The following IQCJ variants were observed in gnomAD, a reference collection of about 807,000 sequenced individuals.
The protein encoded by IQCJ is IQ domain-containing protein J.
In IQCJ, 9 loss-of-function variants were observed where a neutral mutation model predicts 11.0. The ratio of observed to expected loss-of-function variants is 0.82; its 90% CI spans 0.49 to 1.43. IQCJ has a LOEUF of 1.43. Among genes scored for constraint, IQCJ ranks in the 40% most tolerant of loss-of-function variants. IQCJ has a pLI of 0.00. For missense variants in IQCJ, 146 were observed against 133.2 expected, an observed-to-expected ratio of 1.10 and a Z score of -0.47; for synonymous variants, 55 against 51.3, an observed-to-expected ratio of 1.07 and a Z score of -0.31.
chr3:159,169,798 A>C (rs1484138161), intron 1 of IQCJ, among the ~76,000 whole-genome samples: 1 of 152,174 alleles, frequency 6.6e-6, no homozygotes, highest in African/African-American at 2.4e-5. Context: ...GCAGCACTGC[A>C]AGAGGGTGGG....
At chr3:159,160,939 C>T (rs1446164222) in intron 1 of IQCJ, among the ~76,000 whole-genome samples, 1 of 152,148 alleles carries the variant, frequency 6.6e-6, no homozygotes, top group Non-Finnish European at 1.5e-5. Flanking sequence ...CATGGTTGGA[C>T]ATTTGGGTTG....
chr3:159,090,848 G>C (rs2108080349), intron 1 of IQCJ, among the ~76,000 whole-genome samples: 1 of 151,958 alleles, frequency 6.6e-6, no homozygotes, highest in East Asian at 1.9e-4. Context: ...CGACAAAATT[G>C]TTCAGTTGTC....
rs145703272 is a variant in IQCJ, at chr3:159,166,684, G to C, written c.10-79159G>C. Among the ~76,000 whole-genome samples the C allele has an allele frequency of 5.8e-4, 88 of 152,298 alleles. 1 individual carries two copies. The South Asian group carries it at 0.01, about 18-fold the overall frequency. On this transcript the variant is annotated intron_variant, in intron 1 of 3. Coordinates refer to ENST00000397832, the MANE Select transcript of IQCJ (RefSeq NM_001042706.3). ...AAATATATTTATCAGATTTTCTTCT[G>C]TGTGGAGGCTGGAGGATGGTTTCCT...
chr3:159,132,073 T>G (rs1395991865), intron 1 of IQCJ, among the ~76,000 whole-genome samples: 1 of 152,192 alleles, frequency 6.6e-6, no homozygotes, highest in Non-Finnish European at 1.5e-5. Context: ...GTTTGGAAAC[T>G]ATCTGTATTT....
chr3:159,169,862 G>C (rs1415585807), intron 1 of IQCJ, among the ~76,000 whole-genome samples: 1 of 152,084 alleles, frequency 6.6e-6, no homozygotes, highest in Non-Finnish European at 1.5e-5. Flanking sequence ...GTGGTTTATA[G>C]GGGTGAAGTT....
intron 1 of IQCJ, among the ~76,000 whole-genome samples, chr3:159,212,319 A>G (rs978960426): frequency 4.6e-5 from 7 of 152,138 alleles, no homozygotes; most frequent in African/African-American, 1.4e-4. Flanking sequence ...GCGTGGTCCT[A>G]TGCCAGTCAA....
intron 1 of IQCJ, among the ~76,000 whole-genome samples, chr3:159,075,205 A>G (rs1381675190): frequency 6.6e-6 from 1 of 152,176 alleles, no homozygotes; most frequent in Non-Finnish European, 1.5e-5. Context: ...AGAAGCTCAA[A>G]GCAAGTATTT....
chr3:159,191,684 A>G (rs1411913060), intron 1 of IQCJ, among the ~76,000 whole-genome samples: 1 of 152,230 alleles, frequency 6.6e-6, no homozygotes, highest in South Asian at 2.1e-4. Flanking sequence ...CTGAGGAGCT[A>G]CAAAGTACTT....
intron 1 of IQCJ, among the ~76,000 whole-genome samples, chr3:159,082,214 T>C (rs952051243): frequency 3.3e-5 from 5 of 152,100 alleles, no homozygotes; most frequent in Non-Finnish European, 7.4e-5. Flanking sequence ...AATAAACTAT[T>C]ACATAAGATA....
At chr3:159,188,732 TCTTA>T (rs1224729376) in intron 1 of IQCJ, among the ~76,000 whole-genome samples, 1 of 152,198 alleles carries the variant, frequency 6.6e-6, no homozygotes, top group Non-Finnish European at 1.5e-5. Flanking sequence ...GTGGCAGTTC[TCTTA>T]CTTGCCTTGG....
At chr3:159,243,863 A>G (rs1727084358) in intron 1 of IQCJ, among the ~76,000 whole-genome samples, 1 of 152,228 alleles carries the variant, frequency 6.6e-6, no homozygotes, top group Admixed American at 6.5e-5. Context: ...TAATTAGAAG[A>G]TTACCATGGT....
intron 1 of IQCJ, among the ~76,000 whole-genome samples, chr3:159,084,076 A>C (rs1167419622): frequency 6.6e-6 from 1 of 152,128 alleles, no homozygotes; most frequent in Non-Finnish European, 1.5e-5. Context: ...AAAACTGGTG[A>C]AACTTGATTA....
At chr3:159,104,338 A>G (rs1158040598) in intron 1 of IQCJ, among the ~76,000 whole-genome samples, 1 of 152,152 alleles carries the variant, frequency 6.6e-6, no homozygotes. Context: ...TTAGCTCCTA[A>G]TGATAACACT....
chr3:159,249,598 A>G (rs1351689139), intron 2 of IQCJ, among the ~76,000 whole-genome samples: 6 of 152,168 alleles, frequency 3.9e-5, no homozygotes, highest in African/African-American at 7.2e-5. Context: ...TCAGGTCAGG[A>G]CTACGTCCTT....
intron 3 of IQCJ, among the ~76,000 whole-genome samples, chr3:159,256,687 C>G (rs1274902777): frequency 6.6e-6 from 1 of 152,200 alleles, no homozygotes; most frequent in East Asian, 1.9e-4. Flanking sequence ...AAATTCAAGA[C>G]TAGACATTTA....
At chr3:159,265,280 C>G (rs1323059297), downstream of IQCJ, 9 of 1,613,734 alleles carry the variant, frequency 5.6e-6, no homozygotes, top group Non-Finnish European at 7.6e-6. Flanking sequence ...CACCTGGGGA[C>G]AAGTTGCCTG....
At chr3:159,200,903 T>A (rs1459024237) in intron 1 of IQCJ, among the ~76,000 whole-genome samples, 1 of 152,070 alleles carries the variant, frequency 6.6e-6, no homozygotes, top group Non-Finnish European at 1.5e-5. Flanking sequence ...CTGAGTGAGA[T>A]AGAAGTGTGT....
chr3:159,092,606 G>A (rs1717397311), intron 1 of IQCJ, among the ~76,000 whole-genome samples: 2 of 151,376 alleles, frequency 1.3e-5, no homozygotes, highest in South Asian at 4.2e-4. Context: ...GCTGAGGCAG[G>A]AGAATGGTGT....
chr3:159,249,450 T>C (rs1727467295), intron 2 of IQCJ, among the ~76,000 whole-genome samples: 1 of 152,184 alleles, frequency 6.6e-6, no homozygotes, highest in African/African-American at 2.4e-5. Context: ...AATTAAATAC[T>C]TCCTTCAAAG....
Sources: gnomAD v4.1 joint callset for allele counts (sites outside exome capture counted in the v4.1 genomes callset) on GRCh38, gnomAD v4.1.1 for gene constraint, MANE v1.5 for transcripts, NCBI Gene and HGNC (gene_info 2026-07-23, HGNC 2026-07-21) for gene names.